SMYD3: variants seen among roughly 807,000 people sequenced by gnomAD.
SMYD3 encodes the protein histone-lysine N-methyltransferase SMYD3.
A neutral mutation model predicts 57.7 loss-of-function variants in SMYD3; 36 were observed. The observed-to-expected ratio is 0.62, with a 90% confidence interval of 0.48 to 0.82. SMYD3 has a LOEUF of 0.82. Among genes scored for constraint, SMYD3 ranks in the 40% least tolerant of loss-of-function variants. SMYD3 has a pLI of 0.00. For missense variants in SMYD3, 515 were observed against 538.8 expected, an observed-to-expected ratio of 0.96 and a Z score of 0.44; for synonymous variants, 211 against 195.0, an observed-to-expected ratio of 1.08 and a Z score of -0.68.
chr1:246,414,348 A>G (rs2067023127), intron 1 of SMYD3, among the ~76,000 whole-genome samples: 2 of 152,218 alleles, frequency 1.3e-5, no homozygotes, highest in South Asian at 2.1e-4. Flanking sequence ...GGAAAAACTA[A>G]GAACATTATC....
chr1:246,469,234 G>A (rs150840803), intron 1 of SMYD3, among the ~76,000 whole-genome samples: 108 of 152,276 alleles, frequency 7.1e-4, no homozygotes, highest in Non-Finnish European at 1.4e-3. Context: ...CTCCCAAACA[G>A]AGGAGGTCTC....
chr1:245,818,800 C>T (rs1018008825), intron 10 of SMYD3, among the ~76,000 whole-genome samples: 4 of 151,632 alleles, frequency 2.6e-5, no homozygotes, highest in African/African-American at 7.3e-5. Flanking sequence ...ACAAAGAAGG[C>T]CATTACATAA....
chr1:246,401,175 A>G (rs1452996398), intron 1 of SMYD3, among the ~76,000 whole-genome samples: 1 of 152,176 alleles, frequency 6.6e-6, no homozygotes, highest in African/African-American at 2.4e-5. Flanking sequence ...AGTCTTTCAA[A>G]TGGAAAAAAG....
chr1:246,150,508 T>G (rs2061924574), intron 5 of SMYD3, among the ~76,000 whole-genome samples: 1 of 152,220 alleles, frequency 6.6e-6, no homozygotes, highest in African/African-American at 2.4e-5. Flanking sequence ...TGCTGAAGCA[T>G]TTTTTACATC....
At chr1:246,191,339 T>C (rs979452584) in intron 5 of SMYD3, among the ~76,000 whole-genome samples, 11 of 152,152 alleles carry the variant, frequency 7.2e-5, no homozygotes, top group Admixed American at 3.3e-4. Context: ...AGTGAAAAAA[T>C]GCCAGAAGAC....
intron 5 of SMYD3, among the ~76,000 whole-genome samples, chr1:246,008,290 G>A (rs1558147018): frequency 6.6e-6 from 1 of 152,208 alleles, no homozygotes; most frequent in African/African-American, 2.4e-5. Context: ...GACGCACAGA[G>A]CGGTGTTGGA....
intron 3 of SMYD3, among the ~76,000 whole-genome samples, chr1:246,333,619 AT>A (rs2148670071): frequency 6.6e-6 from 1 of 152,210 alleles, no homozygotes; most frequent in Non-Finnish European, 1.5e-5. Context: ...CACCTATATA[AT>A]CCCAGCACTT....
intron 5 of SMYD3, among the ~76,000 whole-genome samples, chr1:246,182,574 C>T (rs372424667): frequency 1.6e-4 from 25 of 152,296 alleles, no homozygotes; most frequent in East Asian, 1.2e-3. Flanking sequence ...CCCCACACAA[C>T]AGTCTACCTG....
intron 5 of SMYD3, among the ~76,000 whole-genome samples, chr1:246,215,848 G>T (rs374476559): frequency 1.3e-5 from 2 of 152,110 alleles, no homozygotes; most frequent in African/African-American, 4.8e-5. Context: ...ACTATTTGGA[G>T]GAAAGTCAGT....
intron 5 of SMYD3, among the ~76,000 whole-genome samples, chr1:246,313,287 CT>C (rs1189797629): frequency 6.6e-6 from 1 of 152,102 alleles, no homozygotes; most frequent in Non-Finnish European, 1.5e-5. Flanking sequence ...TTACAGAAGA[CT>C]TTTGAGGCCC....
chr1:246,356,500 G>A (rs2065912157), intron 1 of SMYD3, among the ~76,000 whole-genome samples: 1 of 152,158 alleles, frequency 6.6e-6, no homozygotes, highest in African/African-American at 2.4e-5. Flanking sequence ...GCTAATCAAG[G>A]AGGCACCAGA....
intron 5 of SMYD3, among the ~76,000 whole-genome samples, chr1:246,102,161 T>C (rs1022339963): frequency 2.8e-4 from 42 of 152,338 alleles, no homozygotes; most frequent in African/African-American, 9.6e-4. Context: ...ACTATGTACG[T>C]AGCTCAAGCT....
rs1272090717 is a variant in SMYD3 at position 245,799,381 on chromosome 1, C to A, written c.1077-35232G>T. Among the ~76,000 whole-genome samples the A allele has an allele frequency of 2.8e-5, 4 of 144,978 alleles. No homozygotes were observed. In the East Asian group the frequency reaches 8.2e-4, roughly 30 times the overall value. On this transcript the variant is annotated intron_variant, in intron 10 of 11. Transcript: ENST00000490107. ...AGCCCTGCTCTCAACTGTGTAGGAC[C>A]CCAAAAACTGGGTTCTCTAAAGGGT...
intron 7 of SMYD3, among the ~76,000 whole-genome samples, chr1:245,924,187 A>G (rs1482119991): frequency 6.6e-6 from 1 of 152,230 alleles, no homozygotes; most frequent in East Asian, 1.9e-4. Flanking sequence ...TAAAACTATC[A>G]GAACAAATGA....
chr1:246,038,449 G>A (rs190085236), intron 5 of SMYD3, among the ~76,000 whole-genome samples: 111 of 152,140 alleles, frequency 7.3e-4, no homozygotes, highest in Non-Finnish European at 7.4e-4. Flanking sequence ...AACTTTCGAC[G>A]GAAGGCTGAG....
intron 8 of SMYD3, among the ~76,000 whole-genome samples, chr1:245,880,024 C>T (rs1333401236): frequency 6.7e-6 from 1 of 149,940 alleles, no homozygotes; most frequent in African/African-American, 2.5e-5. Flanking sequence ...CTGTACACAC[C>T]AGAGATAGCA....
Position 246,147,179 on chromosome 1 carries a change from G to A in SMYD3, c.531+180022C>T, listed in dbSNP as rs185177717. Among the ~76,000 whole-genome samples, 514 of 103,016 alleles carry A rather than the reference G, an allele frequency of 5.0e-3. 3 individuals carry two copies. The highest frequency in any genetic ancestry group is 0.012 in the Non-Finnish European group (393 of 33,778). 67.6% of individuals were successfully genotyped at this position (103,016 alleles called of 152,430 possible). A position where few individuals can be genotyped will look rare whatever the true frequency, so the allele number is the denominator to read the frequency against. ...CACATTTTTCACTGTAAACAACGCT[G>A]CCCCGGCAAACCCTAGGGGAAGGGA... On this transcript the variant is annotated intron_variant, in intron 5 of 11. Coordinates refer to ENST00000490107, the MANE Select transcript of SMYD3 (RefSeq NM_001167740.2).
intron 5 of SMYD3, among the ~76,000 whole-genome samples, chr1:246,254,915 T>C (rs1242137863): frequency 6.6e-6 from 1 of 152,242 alleles, no homozygotes; most frequent in Admixed American, 6.5e-5. Flanking sequence ...GGATTCATTA[T>C]TTGGCTCTCA....
chr1:246,485,615 C>CA (rs1553355389), intron 1 of SMYD3, among the ~76,000 whole-genome samples: 26 of 151,726 alleles, frequency 1.7e-4, no homozygotes, highest in East Asian at 3.9e-4. Context: ...GACCCCCCCC[C>CA]ACATCTCTAC....
Sources: gnomAD v4.1 joint callset for allele counts (sites outside exome capture counted in the v4.1 genomes callset) on GRCh38, gnomAD v4.1.1 for gene constraint, MANE v1.5 for transcripts, NCBI Gene and HGNC (gene_info 2026-07-23, HGNC 2026-07-21) for gene names.